The following CELSR3 variants were observed in gnomAD, a reference collection of about 807,000 sequenced individuals.
The protein encoded by CELSR3 is EGF-like protein 1.
CELSR3 carries 73 observed loss-of-function variants against 270.0 expected under a neutral mutation model. The observed-to-expected ratio is 0.27, with a 90% CI of 0.22 to 0.33. The LOEUF (loss-of-function observed/expected upper bound fraction) is 0.33, where lower values mean the gene tolerates loss of function less well. Ranked by LOEUF, CELSR3 falls within the 10% of genes least tolerant of loss-of-function variation. CELSR3 has a pLI of 1.00. For missense variants in CELSR3, 3,614 were observed against 4,533.8 expected, an observed-to-expected ratio of 0.80 and a Z score of 5.83; for synonymous variants, 1,780 against 1,905.4, an observed-to-expected ratio of 0.93 and a Z score of 1.71.
Position 48,644,576 on chromosome 3 carries a change from G to C in CELSR3, c.8085+140C>G. 1 of 709,522 alleles carries C rather than the reference G, an allele frequency of 1.4e-6. No homozygotes were observed. The highest frequency in any genetic ancestry group is 2.4e-6 in the Non-Finnish European group (1 of 413,164). 44.0% of individuals were successfully genotyped at this position (709,522 alleles called of 1,614,324 possible). On this transcript the variant is annotated intron_variant, in intron 26 of 34. Transcript: ENST00000164024. The surrounding 1 kb of genome is among the most constrained non-coding windows in gnomAD (Gnocchi z 4.8). ...TGCCAGTTGAATGGGGGTGGCTACTGACCAGAGGACAGAAAAAATGAAGGC... is the reference window on the plus strand; with the variant it reads ...TGCCAGTTGAATGGGGGTGGCTACTCACCAGAGGACAGAAAAAATGAAGGC...
At position 48,645,711 on chromosome 3, in the gene CELSR3, C is replaced by T. The variant is rs200399505; in HGVS notation, c.7590+31G>A. 1.2e-6 allele frequency: 2 copies of T among 1,600,750 alleles called. No individual in the cohort carries two copies. The highest frequency in any genetic ancestry group is 1.7e-6 in the Non-Finnish European group (2 of 1,170,322). On this transcript the variant is annotated intron_variant, in intron 23 of 34. Transcript: ENST00000164024. This position sits in a 1 kb window ranked among gnomAD's most constrained non-coding sequence, Gnocchi z 5.4. ...GAATCCCCGTGTCCCTTTGACCCCC[C>T]ACTTCCTTGGGACACTGAACACAGC...
In CELSR3 at chr3:48,641,476, C is replaced by T. The variant is rs1269213164; in HGVS notation, c.8873G>A (p.Cys2958Tyr). 1 of 1,612,394 alleles carries T rather than the reference C, an allele frequency of 6.2e-7. No individual in the cohort carries two copies. Among genetic ancestry groups the T allele is most frequent in the Admixed American group, 1.7e-5 (1 of 60,012 alleles). The change falls in exon 33 of 35, where the codon TGC (cysteine) becomes TAC (tyrosine). Residue 2958 changes from cysteine to tyrosine, a missense_variant. Around this residue, in one of 7 missense-constraint regions of CELSR3, gnomAD observed 1,240 missense variants for 1,351.7 expected, o/e 0.92. Transcript: ENST00000164024. This position sits in a 1 kb window ranked among gnomAD's most constrained non-coding sequence, Gnocchi z 4.8. Reference sequence around the variant, plus strand: ...CTGCAGAGCACAGGGGGCTGCCTCGCACTCCCCCAGGGCTGGCCAGTAGGA... The same window carrying T: ...CTGCAGAGCACAGGGGGCTGCCTCGTACTCCCCCAGGGCTGGCCAGTAGGA... ...LLSYWPALGE[C>Y]EAAPCALQTW...
chr3:48,643,955 G>T, intron 27 of CELSR3: 1 of 590,012 alleles, frequency 1.7e-6, no homozygotes, highest in East Asian at 2.8e-5. Flanking sequence ...ACAGGGCAGG[G>T]GGCAAAGTGA....
Position 48,655,867 on chromosome 3 carries a change from G to A in CELSR3, c.4626-16C>T, listed in dbSNP as rs370247053. 95 of 1,357,230 alleles carry A rather than the reference G, an allele frequency of 7.0e-5. 1 individual carries two copies. In the African/African-American group the frequency reaches 1.3e-3, roughly 18 times the overall value. 84.1% of individuals were successfully genotyped at this position (1,357,230 alleles called of 1,614,324 possible). ...TGTCGCGAACCTGGGCGGGGTGGGA[G>A]GGGGTTGCGGGGGTGGGAGCGTCAG... On this transcript the variant is annotated splice_polypyrimidine_tract_variant and intron_variant, in intron 3 of 34. Transcript: ENST00000164024. The surrounding 1 kb of genome is among the most constrained non-coding windows in gnomAD (Gnocchi z 5.8).
At chr3:48,638,844 C>T (rs1358484017) in intron 34 of CELSR3, among the ~76,000 whole-genome samples, 3 of 151,948 alleles carry the variant, frequency 2.0e-5, no homozygotes. Flanking sequence ...CCTCTCTCTG[C>T]CCTGGGTCCT....
Position 48,650,239 on chromosome 3 carries a change from G to T in CELSR3, c.6472+241C>A. The T allele has an allele frequency of 1.6e-6, 1 of 629,764 alleles. No individual in the cohort carries two copies. 39.0% of individuals were successfully genotyped at this position (629,764 alleles called of 1,614,324 possible). On this transcript the variant is annotated intron_variant, in intron 16 of 34. Coordinates refer to ENST00000164024, the MANE Select transcript of CELSR3 (RefSeq NM_001407.3). This position sits in a 1 kb window ranked among gnomAD's most constrained non-coding sequence, Gnocchi z 5.1. ...GTCTGCAAAAGCTCTGGTAGTGGGAGGGGGCAGTGCACCTGAGCAAACACG... is the reference window on the plus strand; with the variant it reads ...GTCTGCAAAAGCTCTGGTAGTGGGATGGGGCAGTGCACCTGAGCAAACACG...
rs781309148 is a variant in CELSR3 at position 48,645,340 on chromosome 3, C to T, written c.7797+103G>A. 2.6e-6 allele frequency: 4 copies of T among 1,564,040 alleles called. No individual in the cohort carries two copies. The Admixed American group carries it at 7.0e-5, about 27-fold the overall frequency. The stretch of plus-strand genomic sequence containing the variant: ...CCCAGCATCCTGCTGAAAACCCTGG[C>T]CCCAACCTGAGCATCCCTGACCTCT... On this transcript the variant is annotated intron_variant, in intron 24 of 34. Coordinates refer to ENST00000164024, the MANE Select transcript of CELSR3 (RefSeq NM_001407.3). The surrounding 1 kb of genome is among the most constrained non-coding windows in gnomAD (Gnocchi z 5.4).
chr3:48,655,031 G>T lies in CELSR3; in HGVS notation c.4988+13C>A. On this transcript the variant is annotated intron_variant, in intron 6 of 34. Coordinates refer to ENST00000164024, the MANE Select transcript of CELSR3 (RefSeq NM_001407.3). The surrounding 1 kb of genome is among the most constrained non-coding windows in gnomAD (Gnocchi z 5.8). ...AGGCAGGGGACAAGGGGACTAGGGGGCAGGGGCCTCACTTCTTGGAGCTTG... is the reference window on the plus strand; with the variant it reads ...AGGCAGGGGACAAGGGGACTAGGGGTCAGGGGCCTCACTTCTTGGAGCTTG... The T allele has an allele frequency of 6.2e-7, 1 of 1,613,332 alleles. No individual in the cohort carries two copies. The highest frequency in any genetic ancestry group is 8.5e-7 in the Non-Finnish European group (1 of 1,179,540).
In CELSR3 at chr3:48,659,602, G is replaced by A; in HGVS notation, c.3033C>T (p.Thr1011=). ...QNGEDGDGDF[T]IEPTSGIVRT... The stretch of plus-strand genomic sequence containing the variant: ...GGACAATTCCAGAGGTGGGCTCAAT[G>A]GTAAAATCTCCATCCCCATCTTCAC... The change falls in exon 1 of 35, where the codon ACC becomes ACT. Residue 1011 remains threonine (T), a synonymous_variant. Transcript: ENST00000164024. The surrounding 1 kb of genome is among the most constrained non-coding windows in gnomAD (Gnocchi z 8.1). 2 of 1,614,184 alleles carry A rather than the reference G, an allele frequency of 1.2e-6. No homozygotes were observed. The highest frequency in any genetic ancestry group is 1.7e-6 in the Non-Finnish European group (2 of 1,180,038).
rs1473938708 is a variant in CELSR3, at chr3:48,656,995, G to A, written c.4102C>T (p.Leu1368=). 1.2e-6 allele frequency: 2 copies of A among 1,612,942 alleles called. No individual in the cohort carries two copies. The highest frequency in any genetic ancestry group is 1.1e-5 in the South Asian group (1 of 91,044). ...VRRAALAARS[L]LDVLPFDDNV... The stretch of plus-strand genomic sequence containing the variant: ...TCGTCGAAGGGCAGTACGTCGAGCA[G>A]GGAGCGAGCCGCCAGCGCCGCCCGG... Residue 1368 remains leucine, a synonymous_variant, in exon 2 of 35, where the codon CTG becomes TTG. Coordinates refer to ENST00000164024, the MANE Select transcript of CELSR3 (RefSeq NM_001407.3).
Position 48,646,336 on chromosome 3 carries a change from C to T in CELSR3, c.7296-79G>A. 2.1e-6 allele frequency: 3 copies of T among 1,455,194 alleles called. No homozygotes were observed. The highest frequency in any genetic ancestry group is 2.8e-6 in the Non-Finnish European group (3 of 1,077,836). 90.1% of individuals were successfully genotyped at this position (1,455,194 alleles called of 1,614,324 possible). On this transcript the variant is annotated intron_variant, in intron 21 of 34. Transcript: ENST00000164024. This position sits in a 1 kb window ranked among gnomAD's most constrained non-coding sequence, Gnocchi z 4.8. ...TGCTTGCCTCACCCCGTCTTCATGC[C>T]ACTCGCCAGGGCTGACCCAGGGTCT...
chr3:48,654,002 G>A lies in CELSR3; in HGVS notation c.5154C>T (p.Gly1718=). The A allele has an allele frequency of 1.9e-6, 3 of 1,612,362 alleles. No homozygotes were observed. Among genetic ancestry groups the A allele is most frequent in the Non-Finnish European group, 2.5e-6 (3 of 1,179,292 alleles). The change falls in exon 8 of 35, where the codon GGC becomes GGT. Residue 1718 remains glycine (G), a splice_region_variant and synonymous_variant. Coordinates refer to ENST00000164024, the MANE Select transcript of CELSR3 (RefSeq NM_001407.3). This position sits in a 1 kb window ranked among gnomAD's most constrained non-coding sequence, Gnocchi z 5.4. ...AFVANNGTMA[G]CQAKLHFCDS... ...CACAAAAGTGTAGCTTGGCTTGGCA[G>A]CCTGGGAGAGGAAAGCACATGGCGG...
In CELSR3 at chr3:48,639,946, T is replaced by G. The variant is rs541751924; in HGVS notation, c.9639A>C (p.Ser3213=). The change falls in exon 34 of 35, where the codon TCA becomes TCC. Residue 3213 remains serine, a synonymous_variant. Transcript: ENST00000164024. The surrounding 1 kb of genome is among the most constrained non-coding windows in gnomAD (Gnocchi z 4.1). ...GCGGGAGTGGCCCAAGGGCTTCTCG[T>G]GAGGGGTGCCGGCTAGGCACCTGGT... The part of the protein sequence containing the change: ...QLDQVPSRHP[S]REALGPLPQL... The G allele has an allele frequency of 6.2e-7, 1 of 1,612,750 alleles. No homozygotes were observed. Among genetic ancestry groups the G allele is most frequent in the East Asian group, 2.2e-5 (1 of 44,862 alleles).
Position 48,648,178 on chromosome 3 carries a change from A to G in CELSR3, c.6973+88T>C, listed in dbSNP as rs531001317. 5 of 1,475,190 alleles carry G rather than the reference A, an allele frequency of 3.4e-6. No homozygotes were observed. The African/African-American group carries it at 5.5e-5, about 16-fold the overall frequency. The allele number at this position is 1,475,190 out of a possible 1,614,324, so 91.4% of individuals were successfully genotyped here. On this transcript the variant is annotated intron_variant, in intron 19 of 34. Transcript: ENST00000164024. Reference sequence around the variant, plus strand: ...TGAGTCTCCTGCCATTAACATTGGCATTGATAGCCACAGCCCCTCAGACCT... The same window carrying G: ...TGAGTCTCCTGCCATTAACATTGGCGTTGATAGCCACAGCCCCTCAGACCT...
rs1254883156 is a variant in CELSR3, at chr3:48,639,837, G to A, written c.9748C>T (p.Leu3250Phe). 1 of 1,613,908 alleles carries A rather than the reference G, an allele frequency of 6.2e-7. No individual in the cohort carries two copies. Residue 3250 changes from leucine to phenylalanine, a missense_variant, in exon 34 of 35, where the codon CTT becomes TTT. Around this residue, in one of 7 missense-constraint regions of CELSR3, gnomAD observed 1,240 missense variants for 1,351.7 expected, o/e 0.92. Coordinates refer to ENST00000164024, the MANE Select transcript of CELSR3 (RefSeq NM_001407.3). The surrounding 1 kb of genome is among the most constrained non-coding windows in gnomAD (Gnocchi z 4.1). ...AGGGCCGAGGAGTTGAAAGAGGCAA[G>A]GATGGAGGAAAGAATGTCCAACTGT... ...TEQLDILSSILASFNSSALSS... is the reference protein window; with the variant it reads ...TEQLDILSSIFASFNSSALSS...
In CELSR3 at chr3:48,638,158, A is replaced by G; in HGVS notation, c.*47T>C. 2 of 1,576,300 alleles carry G rather than the reference A, an allele frequency of 1.3e-6. No homozygotes were observed. The highest frequency in any genetic ancestry group is 1.7e-6 in the Non-Finnish European group (2 of 1,145,984). On this transcript the variant is annotated 3_prime_UTR_variant, in exon 35 of 35. Transcript: ENST00000164024. ...CTCCTGGAGTCTCTCCTGTTAGCCT[A>G]GATCCTCTGTCGCCCTCAGCTGTTC...
Position 48,655,253 on chromosome 3 carries a change from C to G in CELSR3, c.4831-52G>C. 1 of 1,613,948 alleles carries G rather than the reference C, an allele frequency of 6.2e-7. No individual in the cohort carries two copies. The highest frequency in any genetic ancestry group is 8.5e-7 in the Non-Finnish European group (1 of 1,179,916). On this transcript the variant is annotated intron_variant, in intron 5 of 34. Coordinates refer to ENST00000164024, the MANE Select transcript of CELSR3 (RefSeq NM_001407.3). This position sits in a 1 kb window ranked among gnomAD's most constrained non-coding sequence, Gnocchi z 5.8. ...AGTGCCCCCAGTAACCCCTGAGGAGCAGAAGTCAGCATCCCAACTCCCCTC... is the reference window on the plus strand; with the variant it reads ...AGTGCCCCCAGTAACCCCTGAGGAGGAGAAGTCAGCATCCCAACTCCCCTC...
Position 48,662,369 on chromosome 3 carries a change from C to A in CELSR3, c.266G>T (p.Arg89Leu), listed in dbSNP as rs775089853. 6.2e-7 allele frequency: 1 copy of A among 1,613,026 alleles called. No homozygotes were observed. The highest frequency in any genetic ancestry group is 8.5e-7 in the Non-Finnish European group (1 of 1,180,008). Reference protein sequence around the residue: ...GVREPIFVGLRGRRQSARNSR... With the variant: ...GVREPIFVGLLGRRQSARNSR... ...ATTCCGGGCGCTTTGCCTTCTCCCT[C>A]GGAGCCCCACGAAGATAGGCTCCCT... The change falls in exon 1 of 35, where the codon CGA (arginine) becomes CTA (leucine). Residue 89 changes from arginine (R) to leucine (L), a missense_variant. Transcript: ENST00000164024. This position sits in a 1 kb window ranked among gnomAD's most constrained non-coding sequence, Gnocchi z 7.1.
At position 48,657,088 on chromosome 3, in the gene CELSR3, C is replaced by T; in HGVS notation, c.4009G>A (p.Gly1337Arg). Reference protein sequence around the residue: ...NVSFSALAPRGAGAGAAGPWF... With the variant: ...NVSFSALAPRRAGAGAAGPWF... Reference sequence around the variant, plus strand: ...GGCCCTGCAGCGCCCGCCCCGGCCCCACGTGGAGCTAGCGCCGAGAAACTC... The same window carrying T: ...GGCCCTGCAGCGCCCGCCCCGGCCCTACGTGGAGCTAGCGCCGAGAAACTC... The change falls in exon 2 of 35, where the codon GGG (glycine) becomes AGG (arginine). Residue 1337 changes from glycine (G) to arginine (R), a missense_variant. Transcript: ENST00000164024. The surrounding 1 kb of genome is among the most constrained non-coding windows in gnomAD (Gnocchi z 5.4). 6.2e-7 allele frequency: 1 copy of T among 1,613,916 alleles called. No homozygotes were observed.
Sources: allele counts gnomAD v4.1 joint callset (sites outside exome capture counted in the v4.1 genomes callset), GRCh38; gene constraint gnomAD v4.1.1; regional missense constraint gnomAD v4.1.1; non-coding constraint Gnocchi (gnomAD v3.1); transcripts MANE v1.5; gene names NCBI Gene and HGNC (gene_info 2026-07-23, HGNC 2026-07-21).